CLTA: variants seen among roughly 807,000 people sequenced by gnomAD.
CLTA encodes clathrin, light polypeptide (Lca).
A neutral mutation model predicts 26.9 loss-of-function variants in CLTA; 9 were observed. The ratio of observed to expected loss-of-function variants is 0.33; its 90% confidence interval spans 0.20 to 0.58. The LOEUF (loss-of-function observed/expected upper bound fraction) is 0.58. Among genes scored for constraint, CLTA ranks in the 20% least tolerant of loss-of-function variants. The probability of loss-of-function intolerance (pLI) is 0.85; values close to 1 mark genes in which losing one functional copy is unlikely to be tolerated. For synonymous variants in CLTA, 120 were observed against 115.5 expected (o/e 1.04, Z -0.25); for missense variants, 278 against 294.2 (o/e 0.94, Z 0.40).
chr9:36,192,654 C>T (rs1215939714), intron 1 of CLTA, among the ~76,000 whole-genome samples: 1 of 139,364 alleles, frequency 7.2e-6, no homozygotes, highest in Admixed American at 6.9e-5. Flanking sequence ...TTAAAATTGA[C>T]TTCTTAGACC....
chr9:36,196,273 ACTCT>A (rs1827025469), intron 1 of CLTA, among the ~76,000 whole-genome samples: 2 of 138,814 alleles, frequency 1.4e-5, no homozygotes, highest in Non-Finnish European at 3.1e-5. Context: ...ACAGAGCAAG[ACTCT>A]CTCTCAAAAA....
Position 36,197,997 on chromosome 9 carries a change from CTT to C in CLTA, c.255+429_255+430del, listed in dbSNP as rs11308341. Among the ~76,000 whole-genome samples, 430 of 104,200 alleles carry C rather than the reference CTT, an allele frequency of 4.1e-3. 3 individuals are homozygous for C. Among genetic ancestry groups the C allele is most frequent in the East Asian group, 0.036 (132 of 3,702 alleles). The allele number at this position is 104,200 out of a possible 152,430, so 68.4% of individuals were successfully genotyped here. On this transcript the variant is annotated intron_variant, in intron 2 of 4. Coordinates refer to ENST00000345519, the MANE Select transcript of CLTA (RefSeq NM_001833.4). ...TGTAAAGATTAACATTTATTTGAGT[CTT>C]TTTTTTTTTTTTTTTTTTTGAGACA...
intron 1 of CLTA, among the ~76,000 whole-genome samples, chr9:36,194,089 G>C (rs559118904): frequency 6.6e-6 from 1 of 152,222 alleles, no homozygotes; most frequent in South Asian, 2.1e-4. Flanking sequence ...GCAGTGGTGC[G>C]ATCTCGGTTC....
intron 1 of CLTA, 81 bp from the exon 2 acceptor site, chr9:36,197,470 G>A (rs1287731114): frequency 5.5e-6 from 5 of 901,234 alleles, no homozygotes; most frequent in Middle Eastern, 2.2e-4. Context: ...TACAGCATAT[G>A]ATGCTGTATT....
intron 4 of CLTA, chr9:36,209,128 G>A (rs1388203894): frequency 1.9e-5 from 19 of 1,007,206 alleles, no homozygotes; most frequent in Admixed American, 2.6e-5. Flanking sequence ...GAAGCCTCAC[G>A]GGGGTTAGGA....
chr9:36,205,660 C>T (rs1730222314), intron 4 of CLTA, among the ~76,000 whole-genome samples: 2 of 151,498 alleles, frequency 1.3e-5, no homozygotes, highest in African/African-American at 4.9e-5. Flanking sequence ...CTTTCTGTTG[C>T]AGAAATTTTT....
chr9:36,190,944 G>T lies in CLTA; in HGVS notation c.-113G>T. On this transcript the variant is annotated 5_prime_UTR_variant, in exon 1 of 5. Transcript: ENST00000345519. ...TTCCGCTTTACCCGTCTCCCTCCTGGCGCTTGTCCTCCTCTCCCAGTCGGC... is the reference window on the plus strand; with the variant it reads ...TTCCGCTTTACCCGTCTCCCTCCTGTCGCTTGTCCTCCTCTCCCAGTCGGC... 1 of 1,426,352 alleles carries T rather than the reference G, an allele frequency of 7.0e-7. No individual in the cohort carries two copies. The highest frequency in any genetic ancestry group is 9.1e-7 in the Non-Finnish European group (1 of 1,097,896). 88.4% of individuals were successfully genotyped at this position (1,426,352 alleles called of 1,614,324 possible).
At chr9:36,199,592 A>G (rs1354622865) in intron 3 of CLTA, among the ~76,000 whole-genome samples, 2 of 148,894 alleles carry the variant, frequency 1.3e-5, no homozygotes, top group Admixed American at 1.3e-4. Flanking sequence ...CTGGGTCTAC[A>G]GGCGCCCGCC....
chr9:36,202,743 CAGA>C (rs1250253063), intron 3 of CLTA, among the ~76,000 whole-genome samples: 5 of 152,100 alleles, frequency 3.3e-5, no homozygotes, highest in African/African-American at 1.2e-4. Context: ...ACCTGCCAGA[CAGA>C]AGAACTTGTT....
intron 4 of CLTA, among the ~76,000 whole-genome samples, chr9:36,206,333 A>C (rs551708119): frequency 6.6e-6 from 1 of 152,280 alleles, no homozygotes; most frequent in South Asian, 2.1e-4. Context: ...CATTGTCACC[A>C]GGGCTCTAGG....
At chr9:36,196,645 A>G (rs1003856270) in intron 1 of CLTA, among the ~76,000 whole-genome samples, 2 of 152,200 alleles carry the variant, frequency 1.3e-5, no homozygotes, top group East Asian at 1.9e-4. Flanking sequence ...CACCGCGCCC[A>G]GCTGTAACCC....
At chr9:36,208,722 A>G (rs1827861149) in intron 4 of CLTA, among the ~76,000 whole-genome samples, 1 of 152,196 alleles carries the variant, frequency 6.6e-6, no homozygotes, top group Non-Finnish European at 1.5e-5. Flanking sequence ...CATTAACTGA[A>G]ACAGGAAGGT....
chr9:36,202,517 C>T (rs777657437), intron 3 of CLTA, among the ~76,000 whole-genome samples: 17 of 152,206 alleles, frequency 1.1e-4, no homozygotes, highest in Non-Finnish European at 2.1e-4. Context: ...GGCTTGCCTC[C>T]CTTTCTGTCC....
chr9:36,190,933 T>C lies in CLTA; in HGVS notation c.-124T>C. 6 of 1,413,718 alleles carry C rather than the reference T, an allele frequency of 4.2e-6. No individual in the cohort carries two copies. Among genetic ancestry groups the C allele is most frequent in the Non-Finnish European group, 5.5e-6 (6 of 1,089,322 alleles). 87.6% of individuals were successfully genotyped at this position (1,413,718 alleles called of 1,614,324 possible). Reference sequence around the variant, plus strand: ...ACGGGTAGGGCTTCCGCTTTACCCGTCTCCCTCCTGGCGCTTGTCCTCCTC... The same window carrying C: ...ACGGGTAGGGCTTCCGCTTTACCCGCCTCCCTCCTGGCGCTTGTCCTCCTC... On this transcript the variant is annotated 5_prime_UTR_variant, in exon 1 of 5. Transcript: ENST00000345519.
chr9:36,208,736 G>T (rs913037225), intron 4 of CLTA, among the ~76,000 whole-genome samples: 1 of 152,186 alleles, frequency 6.6e-6, no homozygotes, highest in Non-Finnish European at 1.5e-5. Flanking sequence ...GGAAGGTGGC[G>T]TGGCTTTCTG....
At chr9:36,192,338 C>G (rs1239142320) in intron 1 of CLTA, among the ~76,000 whole-genome samples, 1 of 152,118 alleles carries the variant, frequency 6.6e-6, no homozygotes. Context: ...TATAGTAGTG[C>G]TCTGTGTAAA....
rs1328222800 is a variant in CLTA, at chr9:36,201,862, A to G, written c.374-2206A>G. Among the ~76,000 whole-genome samples, 3 of 152,290 alleles carry G rather than the reference A, an allele frequency of 2.0e-5. No individual in the cohort carries two copies. In the East Asian group the frequency reaches 5.8e-4, roughly 29 times the overall value. ...TGGTGTGGCTCAGGTCTGTAATCCC[A>G]GCACTTTAGGAGGCTGAGGTGGGAG... On this transcript the variant is annotated intron_variant, in intron 3 of 4. Coordinates refer to ENST00000345519, the MANE Select transcript of CLTA (RefSeq NM_001833.4).
intron 3 of CLTA, among the ~76,000 whole-genome samples, chr9:36,203,080 G>A (rs562364149): frequency 6.6e-6 from 1 of 152,080 alleles, no homozygotes; most frequent in East Asian, 1.9e-4. Context: ...TGATCCACCT[G>A]CCTCGGCCTC....
At position 36,198,195 on chromosome 9, in the gene CLTA, G is replaced by A. The variant is rs147045825; in HGVS notation, c.255+607G>A. ...GTATTTTTAGTAGAGATGGGGTTTCGCCATGTTGGCCAGGCAGGTCTTGAA... is the reference window on the plus strand; with the variant it reads ...GTATTTTTAGTAGAGATGGGGTTTCACCATGTTGGCCAGGCAGGTCTTGAA... On this transcript the variant is annotated intron_variant, in intron 2 of 4. Coordinates refer to ENST00000345519, the MANE Select transcript of CLTA (RefSeq NM_001833.4). Among the ~76,000 whole-genome samples, 85 of 151,258 alleles carry A rather than the reference G, an allele frequency of 5.6e-4. 1 individual carries two copies. The highest frequency in any genetic ancestry group is 5.0e-3 in the East Asian group (25 of 5,046).
Sources: allele counts gnomAD v4.1 joint callset (sites outside exome capture counted in the v4.1 genomes callset), GRCh38; gene constraint gnomAD v4.1.1; transcripts MANE v1.5; gene names NCBI Gene and HGNC (gene_info 2026-07-23, HGNC 2026-07-21).